The following CDH18 variants were observed in gnomAD, a reference collection of about 807,000 sequenced individuals.
CDH18 encodes the protein cadherin 18, also known as cadherin-18.
In CDH18, 31 loss-of-function variants were observed where a neutral mutation model predicts 67.9. That is an observed-to-expected ratio of 0.46 (90% CI 0.34 to 0.62). CDH18 has a LOEUF of 0.62. CDH18 is among the 20% of genes least tolerant of loss of function. CDH18 has a pLI of 0.01. For missense variants in CDH18, 890 were observed against 975.5 expected (o/e 0.91, Z 1.17); for synonymous variants, 362 against 347.2 (o/e 1.04, Z -0.48).
chr5:19,713,606 G>T (rs758846277), intron 5 of CDH18, among the ~76,000 whole-genome samples: 1 of 152,050 alleles, frequency 6.6e-6, no homozygotes, highest in Non-Finnish European at 1.5e-5. Context: ...CTATGATCTT[G>T]CCACGGAGTA....
At chr5:19,699,675 T>G (rs1762984779) in intron 5 of CDH18, among the ~76,000 whole-genome samples, 1 of 151,708 alleles carries the variant, frequency 6.6e-6, no homozygotes, top group Non-Finnish European at 1.5e-5. Context: ...TTTCTATCTC[T>G]TCATCTCTCT....
chr5:19,942,539 T>C (rs889029710), intron 2 of CDH18, among the ~76,000 whole-genome samples: 1 of 152,176 alleles, frequency 6.6e-6, no homozygotes, highest in Non-Finnish European at 1.5e-5. Context: ...CCCTGGAGGG[T>C]AACTTTGATC....
intron 1 of CDH18, among the ~76,000 whole-genome samples, chr5:20,420,251 G>T (rs1747759309): frequency 6.6e-6 from 1 of 151,196 alleles, no homozygotes; most frequent in Non-Finnish European, 1.5e-5. Flanking sequence ...ACGAAACGTG[G>T]TTCACAGTAT....
At chr5:20,274,065 A>G (rs1580639257) in intron 1 of CDH18, among the ~76,000 whole-genome samples, 1 of 152,164 alleles carries the variant, frequency 6.6e-6, no homozygotes, top group Non-Finnish European at 1.5e-5. Context: ...AGTTTCAGAA[A>G]TGTCTCTAAC....
chr5:19,693,378 A>G (rs543119500), intron 5 of CDH18, among the ~76,000 whole-genome samples: 1 of 152,350 alleles, frequency 6.6e-6, no homozygotes, highest in South Asian at 2.1e-4. Flanking sequence ...AAGAGTTTAA[A>G]AAATTCAATT....
chr5:19,730,604 A>G (rs1309604484), intron 4 of CDH18, among the ~76,000 whole-genome samples: 2 of 152,198 alleles, frequency 1.3e-5, no homozygotes, highest in Non-Finnish European at 2.9e-5. Context: ...TGTTTTTAAT[A>G]ATTTTGTGAA....
At chr5:19,979,779 T>A in intron 2 of CDH18, among the ~76,000 whole-genome samples, 1 of 152,148 alleles carries the variant, frequency 6.6e-6, no homozygotes, top group Non-Finnish European at 1.5e-5. Context: ...ATCAAGAATG[T>A]TCCATTTGTT....
intron 5 of CDH18, among the ~76,000 whole-genome samples, chr5:19,689,593 AACTC>A (rs1381134486): frequency 6.6e-6 from 1 of 151,974 alleles, no homozygotes; most frequent in Non-Finnish European, 1.5e-5. Context: ...GAAAGTATAA[AACTC>A]ACTGATAGAG....
intron 2 of CDH18, among the ~76,000 whole-genome samples, chr5:19,863,943 G>C (rs957130245): frequency 6.6e-6 from 1 of 151,952 alleles, no homozygotes; most frequent in Non-Finnish European, 1.5e-5. Flanking sequence ...CTGTAAACTA[G>C]TTCAACCATT....
intron 5 of CDH18, among the ~76,000 whole-genome samples, chr5:19,678,256 A>AC (rs2150374040): frequency 6.6e-6 from 1 of 151,736 alleles, no homozygotes; most frequent in East Asian, 1.9e-4. Context: ...CAAAAAAAAA[A>AC]AACACTGAAA....
chr5:20,008,196 G>A lies in CDH18; in HGVS notation c.-517-16182C>T, dbSNP rs186461702. On this transcript the variant is annotated intron_variant, in intron 2 of 14. Coordinates refer to the CDH18 transcript ENST00000507958. Reference sequence around the variant, plus strand: ...GATGGCAATGCACAGTTTGCTTTGGGAATTATATAATATGAATGTTATTAT... The same window carrying A: ...GATGGCAATGCACAGTTTGCTTTGGAAATTATATAATATGAATGTTATTAT... 3.8e-3 allele frequency among the ~76,000 whole-genome samples: 571 copies of A among 151,886 alleles called. 2 individuals carry two copies. Among genetic ancestry groups the A allele is most frequent in the African/African-American group, 0.013 (537 of 41,434 alleles).
chr5:20,472,229 T>C (rs891622395), intron 1 of CDH18, among the ~76,000 whole-genome samples: 4 of 152,226 alleles, frequency 2.6e-5, no homozygotes, highest in African/African-American at 2.4e-5. Flanking sequence ...TCAAGAGGTC[T>C]GGGTTTATGA....
intron 1 of CDH18, among the ~76,000 whole-genome samples, chr5:20,497,136 C>T (rs533129577): frequency 2.2e-4 from 33 of 152,060 alleles, no homozygotes; most frequent in East Asian, 7.7e-4. Context: ...TCATAAAGGC[C>T]AATGAAGCTG....
intron 2 of CDH18, among the ~76,000 whole-genome samples, chr5:19,999,801 A>C (rs1471563731): frequency 6.6e-6 from 1 of 152,190 alleles, no homozygotes; most frequent in Admixed American, 6.5e-5. Flanking sequence ...CATGAGGCCA[A>C]TTCTGAATAC....
intron 3 of CDH18, among the ~76,000 whole-genome samples, chr5:19,837,522 G>C (rs139189499): frequency 0.016 from 2,501 of 151,994 alleles, 69 homozygotes; most frequent in African/African-American, 0.057. Flanking sequence ...TGAAATACTT[G>C]GTAGGGAAAA....
At chr5:19,476,644 G>C (rs1477362881) in intron 12 of CDH18, among the ~76,000 whole-genome samples, 2 of 151,994 alleles carry the variant, frequency 1.3e-5, no homozygotes, top group Non-Finnish European at 2.9e-5. Flanking sequence ...TGAGGAGGCT[G>C]TTCTAGATCG....
chr5:20,395,850 C>T (rs1176994129), intron 1 of CDH18, among the ~76,000 whole-genome samples: 1 of 152,054 alleles, frequency 6.6e-6, no homozygotes, highest in Non-Finnish European at 1.5e-5. Context: ...GGCTTAGAAA[C>T]CCAAAAGGAC....
chr5:19,945,100 T>C (rs1266044884), intron 2 of CDH18, among the ~76,000 whole-genome samples: 1 of 152,186 alleles, frequency 6.6e-6, no homozygotes, highest in Non-Finnish European at 1.5e-5. Context: ...TAAAGCCTGG[T>C]ATCTTCAAGC....
intron 1 of CDH18, among the ~76,000 whole-genome samples, chr5:20,480,552 G>C (rs544764394): frequency 3.3e-5 from 5 of 151,190 alleles, no homozygotes; most frequent in African/African-American, 1.2e-4. Context: ...CAAGTAGCTG[G>C]GATTACAGGT....
Sources: gnomAD v4.1 joint callset for allele counts (sites outside exome capture counted in the v4.1 genomes callset) on GRCh38, gnomAD v4.1.1 for gene constraint, MANE v1.5 for transcripts, NCBI Gene and HGNC (gene_info 2026-07-23, HGNC 2026-07-21) for gene names.